Variants in POLI observed in about 807,000 individuals in gnomAD.
POLI encodes DNA polymerase iota, also known as RAD30 homolog B.
A neutral mutation model predicts 51.6 loss-of-function variants in POLI; 58 were observed. The ratio of observed to expected loss-of-function variants is 1.12; its 90% confidence interval spans 0.91 to 1.40. POLI has a LOEUF of 1.40. POLI is among the 40% of genes most tolerant of loss of function. The pLI, the probability that POLI is intolerant of heterozygous loss-of-function variation, is 0.00. For missense variants in POLI, 921 were observed against 871.3 expected (o/e 1.06, Z -0.72); for synonymous variants, 322 against 299.7 (o/e 1.07, Z -0.77).
At chr18:54,292,774 T>G (rs1381069599) in intron 9 of POLI, among the ~76,000 whole-genome samples, 1 of 152,094 alleles carries the variant, frequency 6.6e-6, no homozygotes, top group Non-Finnish European at 1.5e-5. Context: ...ATGGAAATAG[T>G]GAATTAATGC....
chr18:54,313,572 C>T (rs1325674238), intron 3 of POLI, among the ~76,000 whole-genome samples: 1 of 152,172 alleles, frequency 6.6e-6, no homozygotes, highest in African/African-American at 2.4e-5. Context: ...GATATTCATT[C>T]ATCCAATCAA....
rs2088275544 is a variant in POLI, at chr18:54,295,464, G to A, written c.*997G>A. 1 of 967,494 alleles carries A rather than the reference G, an allele frequency of 1.0e-6. No individual in the cohort carries two copies. Among genetic ancestry groups the A allele is most frequent in the African/African-American group, 1.8e-5 (1 of 56,948 alleles). 59.9% of individuals were successfully genotyped at this position (967,494 alleles called of 1,614,324 possible). A position where few individuals can be genotyped will look rare whatever the true frequency, so the allele number is the denominator to read the frequency against. On this transcript the variant is annotated 3_prime_UTR_variant, in exon 10 of 10. Coordinates refer to ENST00000579534, the MANE Select transcript of POLI (RefSeq NM_007195.3). ...TTGCAAGACATAGAGGATGTTTATAGAATATACTAAAGTATCCCTCAGCAC... is the reference window on the plus strand; with the variant it reads ...TTGCAAGACATAGAGGATGTTTATAAAATATACTAAAGTATCCCTCAGCAC...
At chr18:54,273,179 T>C (rs1381713943) in intron 2 of POLI, among the ~76,000 whole-genome samples, 2 of 152,076 alleles carry the variant, frequency 1.3e-5, no homozygotes, top group Admixed American at 1.3e-4. Context: ...AAATAAATGA[T>C]CATAATTTAA....
intron 3 of POLI, among the ~76,000 whole-genome samples, chr18:54,304,050 T>C (rs2088538579): frequency 6.6e-6 from 1 of 152,162 alleles, no homozygotes; most frequent in African/African-American, 2.4e-5. Flanking sequence ...CTGAGAATGA[T>C]GGTTTCCAGC....
intron 3 of POLI, among the ~76,000 whole-genome samples, chr18:54,309,087 A>G (rs540487581): frequency 4.3e-4 from 65 of 152,256 alleles, no homozygotes; most frequent in African/African-American, 1.2e-3. Context: ...ACTTCTGTCA[A>G]CTCGTCAAAG....
intron 3 of POLI, 142 bp from the exon 4 acceptor site, chr18:54,277,561 G>T: frequency 1.9e-6 from 1 of 537,864 alleles, no homozygotes; most frequent in Non-Finnish European, 3.2e-6. Flanking sequence ...TTAACTGAGG[G>T]CTTTATTAAA....
downstream of POLI, among the ~76,000 whole-genome samples, chr18:54,299,233 G>A (rs568044387): frequency 6.6e-6 from 1 of 152,220 alleles, no homozygotes; most frequent in South Asian, 2.1e-4. Flanking sequence ...TCAGGAGTTC[G>A]AGACCAACCT....
chr18:54,272,615 G>A (rs535028203), intron 2 of POLI, among the ~76,000 whole-genome samples: 5 of 151,514 alleles, frequency 3.3e-5, no homozygotes, highest in Admixed American at 2.0e-4. Flanking sequence ...GGGACTAGAG[G>A]TGTGCGCCAC....
rs1442078526 is a variant in POLI at position 54,282,989 on chromosome 18, C to G, written c.949C>G (p.Pro317Ala). The change falls in exon 6 of 10, where the codon CCT (proline) becomes GCT (alanine). Residue 317 changes from proline to alanine, a missense_variant. Physicochemically the swap from Pro to Ala is conservative, Grantham distance 27. Coordinates refer to ENST00000579534, the MANE Select transcript of POLI (RefSeq NM_007195.3). Reference sequence around the variant, plus strand: ...GCTCAGTTTTGGAGAGGATAACTCCCCTGTGATACTCTCAGGACCACCTCA... The same window carrying G: ...GCTCAGTTTTGGAGAGGATAACTCCGCTGTGATACTCTCAGGACCACCTCA... ...QKLSFGEDNS[P>A]VILSGPPQSF... 6.2e-7 allele frequency: 1 copy of G among 1,608,618 alleles called. No homozygotes were observed.
intron 3 of POLI, among the ~76,000 whole-genome samples, chr18:54,277,483 G>A (rs1328670182): frequency 1.3e-5 from 2 of 152,046 alleles, no homozygotes; most frequent in African/African-American, 2.4e-5. Flanking sequence ...ACTGCCCTAG[G>A]AATGTCATTT....
Position 54,296,317 on chromosome 18 carries a change from A to C in POLI, c.*1850A>C. On this transcript the variant is annotated 3_prime_UTR_variant, in exon 10 of 10. Transcript: ENST00000579534. ...TAAAAATACATTTCATAGATTGAGAATGTACGGGCTATGTCACAGTTACGC... is the reference window on the plus strand; with the variant it reads ...TAAAAATACATTTCATAGATTGAGACTGTACGGGCTATGTCACAGTTACGC... The C allele has an allele frequency of 1.0e-6, 1 of 985,254 alleles. No individual in the cohort carries two copies. Among genetic ancestry groups the C allele is most frequent in the Non-Finnish European group, 1.2e-6 (1 of 829,764 alleles). The allele number at this position is 985,254 out of a possible 1,614,324, so 61.0% of individuals were successfully genotyped here.
chr18:54,296,429 GATT>G lies in POLI; in HGVS notation c.*1965_*1967del. Reference sequence around the variant, plus strand: ...TGGGATCTTTTTTCTCTGTTTTTAAGATTATCTCTTTTTTCTTTGGTGCTTTGC... The same window carrying G: ...TGGGATCTTTTTTCTCTGTTTTTAAGATCTCTTTTTTCTTTGGTGCTTTGC... On this transcript the variant is annotated 3_prime_UTR_variant, in exon 10 of 10. Coordinates refer to ENST00000579534, the MANE Select transcript of POLI (RefSeq NM_007195.3). The G allele has an allele frequency of 1.1e-6, 1 of 918,764 alleles. No homozygotes were observed. Among genetic ancestry groups the G allele is most frequent in the South Asian group, 5.0e-5 (1 of 19,998 alleles). The allele number at this position is 918,764 out of a possible 1,614,324, so 56.9% of individuals were successfully genotyped here. A position where few individuals can be genotyped will look rare whatever the true frequency, so the allele number is the denominator to read the frequency against.
intron 5 of POLI, 31 bp downstream of exon 5, chr18:54,280,934 A>G (rs1157942302): frequency 8.9e-7 from 1 of 1,124,256 alleles, no homozygotes; most frequent in Admixed American, 2.2e-5. Flanking sequence ...AAGTACATAT[A>G]CGTCTTATTT....
chr18:54,297,176 CAG>C lies in POLI; in HGVS notation c.*2710_*2711del. On this transcript the variant is annotated 3_prime_UTR_variant, in exon 10 of 10. Coordinates refer to ENST00000579534, the MANE Select transcript of POLI (RefSeq NM_007195.3). ...TCTCTGCAGGTCAATTCCAAACTAA[CAG>C]GCAGATGCTGTTAGCTATCTGCCTC... 1 of 985,354 alleles carries C rather than the reference CAG, an allele frequency of 1.0e-6. No homozygotes were observed. 61.0% of individuals were successfully genotyped at this position (985,354 alleles called of 1,614,324 possible).
At chr18:54,310,200 T>C (rs900050501) in intron 3 of POLI, among the ~76,000 whole-genome samples, 6 of 152,220 alleles carry the variant, frequency 3.9e-5, no homozygotes, top group Non-Finnish European at 5.9e-5. Flanking sequence ...ACCAGAGCTG[T>C]TCCTATTCAG....
upstream of POLI, chr18:54,269,486 C>G: frequency 6.7e-7 from 1 of 1,486,300 alleles, no homozygotes; most frequent in Non-Finnish European, 8.9e-7. Flanking sequence ...TGTAGTCCCC[C>G]GGTTTCCCTG....
chr18:54,307,165 C>A (rs527552517), intron 3 of POLI, among the ~76,000 whole-genome samples: 144 of 152,238 alleles, frequency 9.5e-4, no homozygotes, highest in Non-Finnish European at 1.8e-3. Flanking sequence ...TTCTCTAGTT[C>A]TTTTAATTGT....
At chr18:54,307,525 A>G (rs2088607067) in intron 3 of POLI, among the ~76,000 whole-genome samples, 1 of 152,166 alleles carries the variant, frequency 6.6e-6, no homozygotes, top group South Asian at 2.1e-4. Flanking sequence ...GTTTTGGAAT[A>G]AGTGCGATGT....
At chr18:54,282,689 T>C (rs1239556241) in intron 5 of POLI, 148 bp from the exon 6 acceptor site, 1 of 550,822 alleles carries the variant, frequency 1.8e-6, no homozygotes. Flanking sequence ...CCACTGAAGG[T>C]CTTAGAATGT....
Sources: gnomAD v4.1 joint callset for allele counts (sites outside exome capture counted in the v4.1 genomes callset) on GRCh38, gnomAD v4.1.1 for gene constraint, MANE v1.5 for transcripts, NCBI Gene and HGNC (gene_info 2026-07-23, HGNC 2026-07-21) for gene names.